Variants in FAM107B observed in about 807,000 individuals in gnomAD.
FAM107B encodes protein FAM107B.
Under a neutral mutation model 31.5 loss-of-function variants are expected in FAM107B, and 21 were observed. The observed-to-expected ratio is 0.67, with a 90% CI of 0.47 to 0.96. The LOEUF (loss-of-function observed/expected upper bound fraction) is 0.96, where lower values mean the gene tolerates loss of function less well. Among genes scored for constraint, FAM107B ranks in the 40% least tolerant of loss-of-function variants. The probability of loss-of-function intolerance (pLI) is 0.00; values close to 1 mark genes in which losing one functional copy is unlikely to be tolerated. For missense variants in FAM107B, 452 were observed against 377.1 expected (o/e 1.20, Z -1.64); for synonymous variants, 157 against 141.5 (o/e 1.11, Z -0.78).
intron 1 of FAM107B, among the ~76,000 whole-genome samples, chr10:14,750,826 C>A (rs564187989): frequency 6.0e-4 from 91 of 152,148 alleles, no homozygotes; most frequent in African/African-American, 2.1e-3. Context: ...TGCTTCTAGA[C>A]GGGAAGGGGG....
intron 2 of FAM107B, among the ~76,000 whole-genome samples, chr10:14,565,884 A>G (rs1164258834): frequency 2.0e-5 from 3 of 152,150 alleles, no homozygotes; most frequent in Non-Finnish European, 4.4e-5. Context: ...TGCGCTCCAC[A>G]GTGGTAAATC....
intron 1 of FAM107B, among the ~76,000 whole-genome samples, chr10:14,715,886 C>A (rs888764100): frequency 6.6e-6 from 1 of 152,186 alleles, no homozygotes; most frequent in Non-Finnish European, 1.5e-5. Flanking sequence ...CCAAATTACA[C>A]CATCTTCCCT....
intron 1 of FAM107B, among the ~76,000 whole-genome samples, chr10:14,728,270 T>C (rs1362546721): frequency 2.6e-5 from 4 of 152,078 alleles, no homozygotes; most frequent in Non-Finnish European, 5.9e-5. Flanking sequence ...TCAACTCTCT[T>C]GAAAAATAGC....
At chr10:14,674,479 T>A (rs913734677) in intron 1 of FAM107B, among the ~76,000 whole-genome samples, 13 of 152,132 alleles carry the variant, frequency 8.5e-5, no homozygotes, top group African/African-American at 3.1e-4. Context: ...ACCACTTTGT[T>A]TTTCTCTGCA....
chr10:14,627,781 G>GA (rs900832184), intron 2 of FAM107B, among the ~76,000 whole-genome samples: 11 of 149,846 alleles, frequency 7.3e-5, no homozygotes, highest in East Asian at 3.9e-4. Flanking sequence ...TCTATAAAAA[G>GA]AAAAAAAAAT....
chr10:14,572,314 T>A, intron 2 of FAM107B: 1 of 985,420 alleles, frequency 1.0e-6, no homozygotes, highest in Non-Finnish European at 1.2e-6. Flanking sequence ...TAAGCAAATA[T>A]GCACGCAGAC....
chr10:14,727,653 T>C (rs1329750601), intron 1 of FAM107B, among the ~76,000 whole-genome samples: 3 of 152,232 alleles, frequency 2.0e-5, no homozygotes, highest in Non-Finnish European at 1.5e-5. Context: ...AGGTTCCCTA[T>C]GGTATTAAGC....
At chr10:14,706,625 T>C (rs1855526347) in intron 1 of FAM107B, among the ~76,000 whole-genome samples, 2 of 152,186 alleles carry the variant, frequency 1.3e-5, no homozygotes, top group African/African-American at 4.8e-5. Context: ...TTTCCCCAAA[T>C]CTGCTGAATA....
intron 2 of FAM107B, among the ~76,000 whole-genome samples, chr10:14,595,335 A>T (rs922306161): frequency 2.0e-5 from 3 of 151,750 alleles, no homozygotes. Flanking sequence ...ATATGTACAG[A>T]GTCCAGCAAA....
chr10:14,661,452 G>A (rs1404395744), intron 2 of FAM107B: 1 of 152,222 alleles, frequency 6.6e-6, no homozygotes, highest in Non-Finnish European at 1.5e-5. Flanking sequence ...AAAGGGGAAA[G>A]GGGGAGGAAT....
chr10:14,544,875 G>A (rs1394403258), intron 2 of FAM107B, among the ~76,000 whole-genome samples: 3 of 152,172 alleles, frequency 2.0e-5, no homozygotes, highest in South Asian at 4.1e-4. Flanking sequence ...GCTCCAAACA[G>A]TATGCCCTTT....
Position 14,774,749 on chromosome 10 carries a change from T to C in FAM107B, c.-86A>G. On this transcript the variant is annotated 5_prime_UTR_variant, in exon 1 of 5. Transcript: ENST00000181796. ...TCACCTCCACTTTGCTTATAGGAAC[T>C]CTTTCCAATTGCCCGAAGAGAAGAA... 9.3e-6 allele frequency: 13 copies of C among 1,403,482 alleles called. No individual in the cohort carries two copies. The highest frequency in any genetic ancestry group is 1.3e-5 in the Non-Finnish European group (13 of 1,030,264). The allele number at this position is 1,403,482 out of a possible 1,614,324, so 86.9% of individuals were successfully genotyped here. A position where few individuals can be genotyped will look rare whatever the true frequency, so the allele number is the denominator to read the frequency against.
intron 1 of FAM107B, among the ~76,000 whole-genome samples, chr10:14,683,802 A>T (rs1036368869): frequency 6.6e-6 from 1 of 152,214 alleles, no homozygotes; most frequent in East Asian, 1.9e-4. Flanking sequence ...CAATTTTTTA[A>T]GAAAAATGTT....
intron 2 of FAM107B, among the ~76,000 whole-genome samples, chr10:14,611,482 TTTTATATATATATATATA>T (rs1040436763): frequency 1.3e-4 from 13 of 97,488 alleles, no homozygotes; most frequent in Non-Finnish European, 1.9e-4. Context: ...TGAATGCCAG[TTTTATATATATATATATA>T]TATATATATA....
chr10:14,645,658 C>T (rs899191629), intron 2 of FAM107B, among the ~76,000 whole-genome samples: 1 of 152,216 alleles, frequency 6.6e-6, no homozygotes, highest in Non-Finnish European at 1.5e-5. Context: ...TTCTTCCTTT[C>T]TCTTTTACAA....
chr10:14,571,110 A>G (rs1851184767), intron 2 of FAM107B, among the ~76,000 whole-genome samples: 1 of 152,156 alleles, frequency 6.6e-6, no homozygotes, highest in Admixed American at 6.5e-5. Context: ...TGACTGGCAC[A>G]CAGCCACCTT....
intron 2 of FAM107B, among the ~76,000 whole-genome samples, chr10:14,530,959 C>G (rs1016811799): frequency 7.2e-5 from 11 of 152,222 alleles, no homozygotes; most frequent in Admixed American, 6.5e-5. Context: ...AAGCTGGCCT[C>G]TTGCCTATCT....
intron 2 of FAM107B, among the ~76,000 whole-genome samples, chr10:14,608,919 A>C (rs1453773462): frequency 6.6e-6 from 1 of 152,228 alleles, no homozygotes; most frequent in Non-Finnish European, 1.5e-5. Context: ...TACAGAATGG[A>C]GGGCAAAGTA....
At chr10:14,674,325 G>A (rs1403058776) in intron 1 of FAM107B, among the ~76,000 whole-genome samples, 3 of 152,200 alleles carry the variant, frequency 2.0e-5, no homozygotes, top group Admixed American at 6.5e-5. Context: ...TGCAATTTGG[G>A]AGAAAATATT....
Sources: gnomAD v4.1 joint callset for allele counts (sites outside exome capture counted in the v4.1 genomes callset) on GRCh38, gnomAD v4.1.1 for gene constraint, MANE v1.5 for transcripts, NCBI Gene and HGNC (gene_info 2026-07-23, HGNC 2026-07-21) for gene names.